Variants in KAZN observed in about 807,000 individuals in gnomAD.
KAZN encodes kazrin.
A neutral mutation model predicts 87.4 loss-of-function variants in KAZN; 40 were observed. That is an observed-to-expected ratio of 0.46 (90% CI 0.36 to 0.60). The LOEUF (loss-of-function observed/expected upper bound fraction) is 0.60. Among genes scored for constraint, KAZN ranks in the 20% least tolerant of loss-of-function variants. KAZN has a pLI of 0.00. For missense variants in KAZN, 898 were observed against 1,073.9 expected, an observed-to-expected ratio of 0.84 and a Z score of 2.29; for synonymous variants, 466 against 458.3, an observed-to-expected ratio of 1.02 and a Z score of -0.22.
chr1:14,882,386 T>C (rs2049374), intron 1 of KAZN, among the ~76,000 whole-genome samples: 75,606 of 152,038 alleles, frequency 0.5, 19,087 homozygotes, highest in Non-Finnish European at 0.53. Flanking sequence ...CTCTTCCATG[T>C]GTTAGCTTCT....
At chr1:14,070,386 T>C (rs1643203432) in intron 1 of KAZN, among the ~76,000 whole-genome samples, 1 of 151,804 alleles carries the variant, frequency 6.6e-6, no homozygotes, top group Non-Finnish European at 1.5e-5. Context: ...GAAAAGAAAA[T>C]CATTCCAGTA....
chr1:13,913,836 T>G (rs1253136934), intron 1 of KAZN, among the ~76,000 whole-genome samples: 1 of 152,234 alleles, frequency 6.6e-6, no homozygotes, highest in African/African-American at 2.4e-5. Flanking sequence ...ACTGCAGGCC[T>G]GTTTATTCAA....
At chr1:14,135,024 C>T (rs1557503975) in intron 1 of KAZN, among the ~76,000 whole-genome samples, 1 of 151,798 alleles carries the variant, frequency 6.6e-6, no homozygotes, top group Non-Finnish European at 1.5e-5. Context: ...TGCACACATA[C>T]ACTCACACAT....
rs958432143 is a variant in KAZN, at chr1:15,021,551, C to T, written c.419-13198C>T. Among the ~76,000 whole-genome samples, 1 of 152,178 alleles carries T rather than the reference C, an allele frequency of 6.6e-6. No homozygotes were observed. The highest frequency in any genetic ancestry group is 1.5e-5 in the Non-Finnish European group (1 of 68,030). On this transcript the variant is annotated intron_variant, in intron 2 of 14. Transcript: ENST00000376030. This position sits in a 1 kb window ranked among gnomAD's most constrained non-coding sequence, Gnocchi z 4.2. Reference sequence around the variant, plus strand: ...GCCTCCTGTCTCCCTCGGGGAGGAGCAGGCAGTGGGGGCCTGCTTCCCGGG... The same window carrying T: ...GCCTCCTGTCTCCCTCGGGGAGGAGTAGGCAGTGGGGGCCTGCTTCCCGGG...
intron 2 of KAZN, among the ~76,000 whole-genome samples, chr1:14,302,912 A>G (rs114334246): frequency 1.9e-3 from 287 of 152,270 alleles, no homozygotes; most frequent in African/African-American, 6.8e-3. Flanking sequence ...GTTAGCCTGG[A>G]ACTGGTTGGG....
At chr1:14,342,306 T>C (rs2487751) in intron 2 of KAZN, among the ~76,000 whole-genome samples, 39,526 of 152,158 alleles carry the variant, frequency 0.26, 5,454 homozygotes, top group South Asian at 0.37. Flanking sequence ...TACATGTACA[T>C]GTGCCTTTAT....
At chr1:14,078,653 G>T (rs1012625389) in intron 1 of KAZN, among the ~76,000 whole-genome samples, 1 of 152,160 alleles carries the variant, frequency 6.6e-6, no homozygotes, top group South Asian at 2.1e-4. Context: ...GTCCTCACAG[G>T]ATGGAAGGGG....
intron 1 of KAZN, among the ~76,000 whole-genome samples, chr1:14,710,423 T>C (rs146323157): frequency 2.0e-5 from 3 of 152,302 alleles, no homozygotes; most frequent in African/African-American, 7.2e-5. Flanking sequence ...GCCGATGTCC[T>C]ACCGTGGCAC....
chr1:14,557,635 T>G (rs1290108462), intron 2 of KAZN, among the ~76,000 whole-genome samples: 4 of 46,778 alleles, frequency 8.6e-5, no homozygotes, highest in East Asian at 5.6e-4. Context: ...TGTGGGTGTG[T>G]GTGTGTGTGT....
intron 1 of KAZN, among the ~76,000 whole-genome samples, chr1:14,832,206 A>T (rs1421606951): frequency 6.6e-6 from 1 of 151,928 alleles, no homozygotes; most frequent in Non-Finnish European, 1.5e-5. Flanking sequence ...CAAAAAAAAA[A>T]AAAAAGACAC....
At chr1:14,125,252 T>C (rs1456642472) in intron 1 of KAZN, among the ~76,000 whole-genome samples, 2 of 152,184 alleles carry the variant, frequency 1.3e-5, no homozygotes, top group East Asian at 3.9e-4. Flanking sequence ...GCCCCTGTCC[T>C]GATCATGACT....
intron 1 of KAZN, among the ~76,000 whole-genome samples, chr1:14,818,775 C>T (rs1219429396): frequency 2.6e-5 from 4 of 152,124 alleles, no homozygotes; most frequent in African/African-American, 9.7e-5. Context: ...ACTGAAGAGG[C>T]CAGGCATGGT....
chr1:14,495,993 C>T (rs1378012154), intron 2 of KAZN, among the ~76,000 whole-genome samples: 9 of 152,064 alleles, frequency 5.9e-5, no homozygotes, highest in African/African-American at 1.2e-4. Flanking sequence ...TAATAGTCCA[C>T]GACTTTTTCT....
At chr1:14,371,800 C>G (rs538832856) in intron 2 of KAZN, among the ~76,000 whole-genome samples, 3 of 152,208 alleles carry the variant, frequency 2.0e-5, no homozygotes, top group Non-Finnish European at 2.9e-5. Flanking sequence ...AAGAGAAAAC[C>G]AAGAAACAGG....
chr1:14,385,312 T>G (rs1245468181), intron 2 of KAZN, among the ~76,000 whole-genome samples: 3 of 152,246 alleles, frequency 2.0e-5, no homozygotes, highest in Non-Finnish European at 2.9e-5. Flanking sequence ...CTCTATTTCC[T>G]TCAGTTCTGC....
chr1:14,712,725 A>G (rs186716679), intron 1 of KAZN, among the ~76,000 whole-genome samples: 116 of 152,282 alleles, frequency 7.6e-4, no homozygotes, highest in African/African-American at 2.6e-3. Context: ...GGAAAGAAAC[A>G]ATGAAAGTCA....
At chr1:14,619,082 T>A (rs1678485019) in intron 1 of KAZN, among the ~76,000 whole-genome samples, 1 of 151,964 alleles carries the variant, frequency 6.6e-6, no homozygotes, top group Admixed American at 6.6e-5. Context: ...GGCATTGAGA[T>A]GAGAGTAAAT....
chr1:14,807,740 G>A (rs1309663295), intron 1 of KAZN, among the ~76,000 whole-genome samples: 2 of 152,118 alleles, frequency 1.3e-5, no homozygotes, highest in Admixed American at 6.5e-5. Flanking sequence ...CCACACTGCA[G>A]CCTGGGTGAC....
intron 2 of KAZN, among the ~76,000 whole-genome samples, chr1:14,514,598 T>TGAA: frequency 3.2e-5 from 1 of 30,878 alleles, no homozygotes; most frequent in African/African-American, 2.0e-4. Context: ...TTATATTTTA[T>TGAA]ATATATATAT....
Sources: allele counts gnomAD v4.1 joint callset (sites outside exome capture counted in the v4.1 genomes callset), GRCh38; gene constraint gnomAD v4.1.1; non-coding constraint Gnocchi (gnomAD v3.1); transcripts MANE v1.5; gene names NCBI Gene and HGNC (gene_info 2026-07-23, HGNC 2026-07-21).